Variants in THUMPD2 observed in about 807,000 individuals in gnomAD.
THUMPD2 encodes the protein THUMP domain 2 tRNA and snRNA guanosine methyltransferase, also known as U6 snRNA (guanine-N(2))-methyltransferase THUMPD2.
A neutral mutation model predicts 49.4 loss-of-function variants in THUMPD2; 56 were observed. The ratio of observed to expected loss-of-function variants is 1.13; its 90% CI spans 0.91 to 1.41. The LOEUF (loss-of-function observed/expected upper bound fraction) is 1.41. Among genes scored for constraint, THUMPD2 ranks in the 40% most tolerant of loss-of-function variants. The probability of loss-of-function intolerance (pLI) is 0.00; values close to 1 mark genes in which losing one functional copy is unlikely to be tolerated. For synonymous variants in THUMPD2, 237 were observed against 205.2 expected (o/e 1.15, Z -1.32); for missense variants, 709 against 594.5 (o/e 1.19, Z -2.00).
chr2:39,769,637 G>A (rs776831011), intron 3 of THUMPD2, 73 bp downstream of exon 3: 6 of 1,407,084 alleles, frequency 4.3e-6, no homozygotes, highest in Non-Finnish European at 5.6e-6. Context: ...GGGAGGTGGA[G>A]GTTGCAGTGA....
intron 1 of THUMPD2, among the ~76,000 whole-genome samples, chr2:39,775,559 C>G (rs2148357306): frequency 6.6e-6 from 1 of 152,114 alleles, no homozygotes; most frequent in Non-Finnish European, 1.5e-5. Context: ...CACTTGAAAT[C>G]AGGAGTTCAA....
intron 8 of THUMPD2, among the ~76,000 whole-genome samples, chr2:39,745,066 G>A (rs1364396996): frequency 6.6e-6 from 1 of 152,130 alleles, no homozygotes; most frequent in African/African-American, 2.4e-5. Flanking sequence ...CTTCTCAGAA[G>A]TTACGTTATC....
At chr2:39,757,711 C>T (rs1326845540) in intron 6 of THUMPD2, among the ~76,000 whole-genome samples, 3 of 152,146 alleles carry the variant, frequency 2.0e-5, no homozygotes, top group African/African-American at 7.2e-5. Flanking sequence ...ATACTTACAA[C>T]AACAATTAAG....
At chr2:39,752,237 T>C (rs1014306412) in intron 8 of THUMPD2, among the ~76,000 whole-genome samples, 2 of 152,202 alleles carry the variant, frequency 1.3e-5, no homozygotes, top group African/African-American at 4.8e-5. Flanking sequence ...TAAATCCTCA[T>C]CACAGCCTTA....
At chr2:39,767,365 G>A (rs1463515613) in intron 4 of THUMPD2, among the ~76,000 whole-genome samples, 6 of 151,966 alleles carry the variant, frequency 3.9e-5, no homozygotes, top group Admixed American at 6.6e-5. Context: ...AGCACTTTGG[G>A]AGGCCGAGGC....
intron 8 of THUMPD2, chr2:39,744,680 G>A (rs930005267): frequency 1.4e-5 from 5 of 350,866 alleles, no homozygotes; most frequent in South Asian, 7.7e-5. Context: ...TATTCTGTTC[G>A]TTGAAAATTG....
intron 6 of THUMPD2, among the ~76,000 whole-genome samples, chr2:39,756,909 G>A (rs917774070): frequency 9.7e-5 from 14 of 143,616 alleles, no homozygotes; most frequent in Non-Finnish European, 2.0e-4. Context: ...AAGCTAAAAT[G>A]TAATAATAAT....
intron 9 of THUMPD2, among the ~76,000 whole-genome samples, chr2:39,739,461 C>T (rs1673604979): frequency 6.6e-6 from 1 of 152,186 alleles, no homozygotes; most frequent in African/African-American, 2.4e-5. Flanking sequence ...GTAGCCACTA[C>T]TTTTCTCTCA....
At chr2:39,756,804 T>C (rs1676192092) in intron 6 of THUMPD2, among the ~76,000 whole-genome samples, 2 of 152,102 alleles carry the variant, frequency 1.3e-5, no homozygotes, top group Admixed American at 6.5e-5. Context: ...GAAGTTGACA[T>C]GCTAAGAAAG....
At chr2:39,769,505 C>T in intron 3 of THUMPD2, 1 of 446,780 alleles carries the variant, frequency 2.2e-6, no homozygotes. Context: ...AGTTCCAGAC[C>T]AGCCTGACCA....
chr2:39,737,090 C>A lies in THUMPD2; in HGVS notation c.1188-31G>T, dbSNP rs774427731. On this transcript the variant is annotated intron_variant, in intron 9 of 9. Coordinates refer to ENST00000505747, the MANE Select transcript of THUMPD2 (RefSeq NM_025264.5). ...ACAAAAAAAAAATGGTAATTGCTATCTTTCTCCTTTCTAGACAACAAACAA... is the reference window on the plus strand; with the variant it reads ...ACAAAAAAAAAATGGTAATTGCTATATTTCTCCTTTCTAGACAACAAACAA... 3 of 1,550,472 alleles carry A rather than the reference C, an allele frequency of 1.9e-6. No homozygotes were observed. In the South Asian group the frequency reaches 3.7e-5, roughly 19 times the overall value.
In THUMPD2 at chr2:39,766,414, C is replaced by T. The variant is rs191762926; in HGVS notation, c.751-305G>A. ...TCTAGGAATTATCATAAGTGGACCA[C>T]GCTTTTCAGTATTTTGCGTTGAGAA... is the stretch of plus-strand genomic sequence containing the variant. On this transcript the variant is annotated intron_variant, in intron 4 of 9. Coordinates refer to ENST00000505747, the MANE Select transcript of THUMPD2 (RefSeq NM_025264.5). Among the ~76,000 whole-genome samples the T allele has an allele frequency of 4.6e-5, 7 of 152,248 alleles. No homozygotes were observed. The East Asian group carries it at 7.7e-4, about 17-fold the overall frequency.
intron 6 of THUMPD2, 122 bp from the exon 7 acceptor site, chr2:39,756,082 C>T (rs1676078619): frequency 1.2e-6 from 1 of 868,934 alleles, no homozygotes; most frequent in Non-Finnish European, 1.8e-6. Context: ...GGGGTGGTGG[C>T]TGAAGGGACA....
At chr2:39,753,364 C>A (rs375549592) in intron 8 of THUMPD2, among the ~76,000 whole-genome samples, 6 of 152,152 alleles carry the variant, frequency 3.9e-5, no homozygotes, top group African/African-American at 1.2e-4. Flanking sequence ...TCTTACATCA[C>A]CAGCTGTTCC....
intron 6 of THUMPD2, among the ~76,000 whole-genome samples, chr2:39,759,565 G>T (rs1260664452): frequency 6.6e-6 from 1 of 151,890 alleles, no homozygotes; most frequent in Non-Finnish European, 1.5e-5. Flanking sequence ...ACTCAACAAG[G>T]TCTGGGCTAA....
intron 1 of THUMPD2, among the ~76,000 whole-genome samples, chr2:39,773,079 GGA>G (rs1678552315): frequency 6.6e-6 from 1 of 152,052 alleles, no homozygotes; most frequent in African/African-American, 2.4e-5. Context: ...ATATATAAGG[GGA>G]TAGTGAAGTA....
At chr2:39,762,327 C>G (rs978989496) in intron 5 of THUMPD2, among the ~76,000 whole-genome samples, 1 of 152,118 alleles carries the variant, frequency 6.6e-6, no homozygotes, top group African/African-American at 2.4e-5. Flanking sequence ...CAACAGAATT[C>G]TAGGTATGTG....
intron 2 of THUMPD2, among the ~76,000 whole-genome samples, chr2:39,770,624 T>G (rs1423728418): frequency 6.6e-6 from 1 of 152,154 alleles, no homozygotes; most frequent in Non-Finnish European, 1.5e-5. Flanking sequence ...AACCCATTTA[T>G]AGCTTAGCAT....
At chr2:39,753,356 T>G (rs999204654) in intron 8 of THUMPD2, among the ~76,000 whole-genome samples, 2 of 152,142 alleles carry the variant, frequency 1.3e-5, no homozygotes, top group African/African-American at 2.4e-5. Flanking sequence ...TTTTACTCTC[T>G]TACATCACCA....
Sources: gnomAD v4.1 joint callset for allele counts (sites outside exome capture counted in the v4.1 genomes callset) on GRCh38, gnomAD v4.1.1 for gene constraint, MANE v1.5 for transcripts, NCBI Gene and HGNC (gene_info 2026-07-23, HGNC 2026-07-21) for gene names.